Variants in HIPK2 observed in about 807,000 individuals in gnomAD.
The protein encoded by HIPK2 is homeodomain interacting protein kinase 2, also known as homeodomain-interacting protein kinase 2.
HIPK2 carries 27 observed loss-of-function variants against 113.7 expected under a neutral mutation model. The observed-to-expected ratio is 0.24, with a 90% CI of 0.17 to 0.33. The LOEUF (loss-of-function observed/expected upper bound fraction) is 0.33. HIPK2 is among the 10% of genes least tolerant of loss of function. HIPK2 has a pLI of 1.00. For synonymous variants in HIPK2, 631 were observed against 642.2 expected, an observed-to-expected ratio of 0.98 and a Z score of 0.26; for missense variants, 1,257 against 1,588.0, an observed-to-expected ratio of 0.79 and a Z score of 3.54.
chr7:139,569,208 G>A lies in HIPK2; in HGVS notation c.*3719C>T, dbSNP rs1798184050. The A allele has an allele frequency of 6.6e-6, 1 of 152,194 alleles. No individual in the cohort carries two copies. Among genetic ancestry groups the A allele is most frequent in the African/African-American group, 2.4e-5 (1 of 41,412 alleles). The allele number at this position is 152,194 out of a possible 1,614,324, so 9.4% of individuals were successfully genotyped here. A position where few individuals can be genotyped will look rare whatever the true frequency, so the allele number is the denominator to read the frequency against. On this transcript the variant is annotated 3_prime_UTR_variant, in exon 15 of 15. Coordinates refer to ENST00000406875, the MANE Select transcript of HIPK2 (RefSeq NM_022740.5). Reference sequence around the variant, plus strand: ...GGGGGCATGCATCACAGGGGGAGGGGGCAGGCTGAGGAACTGGGTGGTGTG... The same window carrying A: ...GGGGGCATGCATCACAGGGGGAGGGAGCAGGCTGAGGAACTGGGTGGTGTG...
rs997753734 is a variant in HIPK2, at chr7:139,736,794, G to A, written c.20-19779C>T. On this transcript the variant is annotated intron_variant, in intron 1 of 14. Coordinates refer to ENST00000406875, the MANE Select transcript of HIPK2 (RefSeq NM_022740.5). ...ACCCAACTAGGGTGCCTCATGTTAC[G>A]CATAAGATATTAACAGAGAATGTCC... is the stretch of plus-strand genomic sequence containing the variant. Among the ~76,000 whole-genome samples the A allele has an allele frequency of 1.6e-4, 24 of 152,326 alleles. 1 individual carries two copies. In the South Asian group the frequency reaches 4.6e-3, roughly 29 times the overall value.
intron 2 of HIPK2, among the ~76,000 whole-genome samples, chr7:139,689,321 T>C (rs944751689): frequency 6.6e-6 from 1 of 152,210 alleles, no homozygotes; most frequent in Non-Finnish European, 1.5e-5. Context: ...GAAGCCCACA[T>C]ACCAAATGGA....
chr7:139,726,375 T>A (rs1795574852), intron 1 of HIPK2, among the ~76,000 whole-genome samples: 1 of 151,996 alleles, frequency 6.6e-6, no homozygotes, highest in Non-Finnish European at 1.5e-5. Flanking sequence ...TGAGACATGC[T>A]GACAGATGAG....
At chr7:139,767,497 G>C (rs1478027982) in intron 1 of HIPK2, among the ~76,000 whole-genome samples, 3 of 152,220 alleles carry the variant, frequency 2.0e-5, no homozygotes, top group African/African-American at 7.2e-5. Flanking sequence ...TGGAAGCAGA[G>C]AGCAGAGACG....
intron 2 of HIPK2, among the ~76,000 whole-genome samples, chr7:139,681,424 G>A (rs990378782): frequency 2.6e-5 from 4 of 152,042 alleles, no homozygotes; most frequent in African/African-American, 9.7e-5. Context: ...AGAACACCTG[G>A]CACCTCCACA....
At chr7:139,698,418 T>C (rs1794621092) in intron 2 of HIPK2, among the ~76,000 whole-genome samples, 2 of 152,206 alleles carry the variant, frequency 1.3e-5, no homozygotes, top group South Asian at 2.1e-4. Context: ...GCTATGAACA[T>C]GCATGTACAA....
At chr7:139,646,358 G>A (rs1272542879) in intron 2 of HIPK2, among the ~76,000 whole-genome samples, 1 of 152,048 alleles carries the variant, frequency 6.6e-6, no homozygotes, top group African/African-American at 2.4e-5. Context: ...AAATTAGCCA[G>A]GAGTGGTTGT....
chr7:139,571,955 T>G lies in HIPK2; in HGVS notation c.*972A>C, dbSNP rs891348055. 6.6e-6 allele frequency: 1 copy of G among 152,272 alleles called. No homozygotes were observed. The highest frequency in any genetic ancestry group is 2.4e-5 in the African/African-American group (1 of 41,462). 9.4% of individuals were successfully genotyped at this position (152,272 alleles called of 1,614,324 possible). A position where few individuals can be genotyped will look rare whatever the true frequency, so the allele number is the denominator to read the frequency against. On this transcript the variant is annotated 3_prime_UTR_variant, in exon 15 of 15. Transcript: ENST00000406875. ...ATGCCTATGTTATATCGCTTTTTTTTGTGCAATTACATTGAGGAATATTCT... is the reference window on the plus strand; with the variant it reads ...ATGCCTATGTTATATCGCTTTTTTTGGTGCAATTACATTGAGGAATATTCT...
chr7:139,736,956 A>C (rs1257320931), intron 1 of HIPK2, among the ~76,000 whole-genome samples: 1 of 152,142 alleles, frequency 6.6e-6, no homozygotes, highest in African/African-American at 2.4e-5. Context: ...CAGTTCTCAA[A>C]AGGTGGTCAA....
intron 1 of HIPK2, among the ~76,000 whole-genome samples, chr7:139,734,566 G>A (rs774535184): frequency 2.0e-5 from 3 of 152,126 alleles, no homozygotes; most frequent in Non-Finnish European, 2.9e-5. Context: ...GCTCCATGAC[G>A]CCACGGTTGT....
chr7:139,702,457 T>TCGC (rs1794739151), intron 2 of HIPK2, among the ~76,000 whole-genome samples: 1 of 152,102 alleles, frequency 6.6e-6, no homozygotes, highest in Non-Finnish European at 1.5e-5. Flanking sequence ...ACAGGGACCC[T>TCGC]CGCCGAGGCC....
intron 13 of HIPK2, among the ~76,000 whole-genome samples, chr7:139,579,700 C>T (rs948693602): frequency 2.6e-5 from 4 of 151,628 alleles, no homozygotes; most frequent in Non-Finnish European, 5.9e-5. Flanking sequence ...GGAAGGGGGC[C>T]TTCCTGACCC....
At position 139,561,663 on chromosome 7, in the gene HIPK2, T is replaced by C. The variant is rs1288690114; in HGVS notation, c.*11264A>G. The C allele has an allele frequency of 6.6e-6, 1 of 152,122 alleles. No individual in the cohort carries two copies. The highest frequency in any genetic ancestry group is 1.5e-5 in the Non-Finnish European group (1 of 68,022). The allele number at this position is 152,122 out of a possible 1,614,324, so 9.4% of individuals were successfully genotyped here. A position where few individuals can be genotyped will look rare whatever the true frequency, so the allele number is the denominator to read the frequency against. ...TATGCATATGTGAGTTTACAAATTTTAATTAATAAGTCATTTCACCTCGGA... is the reference window on the plus strand; with the variant it reads ...TATGCATATGTGAGTTTACAAATTTCAATTAATAAGTCATTTCACCTCGGA... On this transcript the variant is annotated 3_prime_UTR_variant, in exon 15 of 15. Coordinates refer to ENST00000406875, the MANE Select transcript of HIPK2 (RefSeq NM_022740.5).
chr7:139,649,661 T>C (rs1490561398), intron 2 of HIPK2, among the ~76,000 whole-genome samples: 1 of 152,052 alleles, frequency 6.6e-6, no homozygotes, highest in Non-Finnish European at 1.5e-5. Context: ...TCCCTGTCTG[T>C]GCCTCTGATT....
chr7:139,580,393 C>T (rs1440982559), intron 13 of HIPK2, among the ~76,000 whole-genome samples: 2 of 152,114 alleles, frequency 1.3e-5, no homozygotes, highest in Non-Finnish European at 2.9e-5. Context: ...AGGACGAGAG[C>T]CCCGAGTAAG....
chr7:139,680,862 G>A (rs1802675213), intron 2 of HIPK2, among the ~76,000 whole-genome samples: 1 of 152,218 alleles, frequency 6.6e-6, no homozygotes, highest in Non-Finnish European at 1.5e-5. Flanking sequence ...CCACAGGGCT[G>A]CCATCAGTCA....
At chr7:139,740,216 C>T (rs1796060856) in intron 1 of HIPK2, among the ~76,000 whole-genome samples, 1 of 152,174 alleles carries the variant, frequency 6.6e-6, no homozygotes, top group Non-Finnish European at 1.5e-5. Flanking sequence ...TTCTGTCCTT[C>T]GGTAAAATAC....
Position 139,777,619 on chromosome 7 carries a change from G to A in HIPK2, c.5C>T (p.Ala2Val). The A allele has an allele frequency of 9.3e-7, 1 of 1,078,570 alleles. No individual in the cohort carries two copies. Among genetic ancestry groups the A allele is most frequent in the Non-Finnish European group, 1.1e-6 (1 of 888,116 alleles). 66.8% of individuals were successfully genotyped at this position (1,078,570 alleles called of 1,614,324 possible). A position where few individuals can be genotyped will look rare whatever the true frequency, so the allele number is the denominator to read the frequency against. The change falls in exon 1 of 15, where the codon GCC becomes GTC. Residue 2 changes from alanine (A) to valine (V), a missense_variant. Transcript: ENST00000406875. ...GCGCCCCTTACCTTCGTACACGGGG[G>A]CCATCGGGGCCGGGGTGTCCGCGGT... M[A>V]PVYEGMASHV... is the part of the protein sequence containing the mutation.
Position 139,573,722 on chromosome 7 carries a change from T to C in HIPK2, c.3127-325A>G, listed in dbSNP as rs556752780. On this transcript the variant is annotated intron_variant, in intron 14 of 14. Transcript: ENST00000406875. ...GCCGGGCATGGTGGCACGTGCCTTG[T>C]CTGTAGTCCCAGCTATTCGGTGGGC... 1.0e-3 allele frequency among the ~76,000 whole-genome samples: 152 copies of C among 152,042 alleles called. 1 individual carries two copies. The highest frequency in any genetic ancestry group is 3.6e-3 in the African/African-American group (149 of 41,452).
Sources: allele counts gnomAD v4.1 joint callset (sites outside exome capture counted in the v4.1 genomes callset), GRCh38; gene constraint gnomAD v4.1.1; transcripts MANE v1.5; gene names NCBI Gene and HGNC (gene_info 2026-07-23, HGNC 2026-07-21).